Variants in RBMS3 observed in about 807,000 individuals in gnomAD.
The protein encoded by RBMS3 is RNA-binding motif, single-stranded-interacting protein 3.
RBMS3 carries 27 observed loss-of-function variants against 66.8 expected under a neutral mutation model. That is an observed-to-expected ratio of 0.40 (90% CI 0.30 to 0.56). RBMS3 has a LOEUF of 0.56. Among genes scored for constraint, RBMS3 ranks in the 20% least tolerant of loss-of-function variants. The pLI, the probability that RBMS3 is intolerant of heterozygous loss-of-function variation, is 0.40. For missense variants in RBMS3, 513 were observed against 549.5 expected, an observed-to-expected ratio of 0.93 and a Z score of 0.66; for synonymous variants, 188 against 183.0, an observed-to-expected ratio of 1.03 and a Z score of -0.22.
chr3:29,779,677 A>T (rs2371821), intron 6 of RBMS3, among the ~76,000 whole-genome samples: 75,726 of 141,254 alleles, frequency 0.54, 21,025 homozygotes, highest in East Asian at 0.86. Context: ...TGGGATAAAA[A>T]TAATCTCAGC....
intron 3 of RBMS3, among the ~76,000 whole-genome samples, chr3:29,528,944 G>A (rs567790304): frequency 1.3e-4 from 19 of 151,534 alleles, no homozygotes; most frequent in African/African-American, 4.1e-4. Flanking sequence ...GGGTTTCACC[G>A]TGTTGGCCAG....
intron 3 of RBMS3, among the ~76,000 whole-genome samples, chr3:29,510,501 A>T (rs1476399332): frequency 6.6e-6 from 1 of 152,200 alleles, no homozygotes; most frequent in East Asian, 1.9e-4. Flanking sequence ...CAAATAATGT[A>T]CCATATGATA....
Position 29,435,920 on chromosome 3 carries a change from G to A in RBMS3, c.248+1005G>A, listed in dbSNP as rs951348496. On this transcript the variant is annotated intron_variant, in intron 2 of 14. Transcript: ENST00000383767. ...AACCAGGAGGCGGAGTTTGCAGTGA[G>A]CCGAGATCACGCCACTGCACTCCAG... 2.0e-5 allele frequency among the ~76,000 whole-genome samples: 3 copies of A among 150,910 alleles called. No homozygotes were observed. In the East Asian group the frequency reaches 5.9e-4, roughly 30 times the overall value.
chr3:29,377,150 A>C (rs1375334017), intron 1 of RBMS3, among the ~76,000 whole-genome samples: 6 of 152,114 alleles, frequency 3.9e-5, no homozygotes, highest in African/African-American at 1.2e-4. Context: ...TATTTGCTAA[A>C]GTCAGCCTCT....
At chr3:29,996,508 A>G (rs1309807771) in intron 14 of RBMS3, among the ~76,000 whole-genome samples, 3 of 150,140 alleles carry the variant, frequency 2.0e-5, no homozygotes, top group African/African-American at 4.9e-5. Flanking sequence ...AATTGACCAC[A>G]TACTTGGAAG....
At chr3:29,720,320 C>T (rs539681981) in intron 4 of RBMS3, among the ~76,000 whole-genome samples, 11 of 152,124 alleles carry the variant, frequency 7.2e-5, no homozygotes, top group African/African-American at 2.4e-4. Context: ...TTCTCATTTA[C>T]TTGGGAAGAA....
At chr3:29,454,492 A>G (rs1414344495) in intron 2 of RBMS3, among the ~76,000 whole-genome samples, 5 of 152,192 alleles carry the variant, frequency 3.3e-5, no homozygotes, top group African/African-American at 9.7e-5. Flanking sequence ...ATCTATTAAA[A>G]ATATTGGCAT....
intron 1 of RBMS3, among the ~76,000 whole-genome samples, chr3:29,424,825 T>C (rs1289654346): frequency 1.3e-5 from 2 of 152,156 alleles, no homozygotes; most frequent in Admixed American, 6.5e-5. Context: ...ATATGGAAAC[T>C]AGTCAATTAA....
Position 29,556,884 on chromosome 3 carries a change from T to A in RBMS3, c.308-30230T>A, listed in dbSNP as rs1479152212. On this transcript the variant is annotated intron_variant, in intron 3 of 14. Transcript: ENST00000383767. ...TGGCTCATAATGACTGTCTATTGCC[T>A]GAATATGAAAGCTCAGCTACCTTGC... 2.6e-5 allele frequency among the ~76,000 whole-genome samples: 4 copies of A among 152,124 alleles called. No homozygotes were observed. The East Asian group carries it at 7.8e-4, about 30-fold the overall frequency.
At chr3:29,317,294 T>C (rs1214547361) in intron 1 of RBMS3, among the ~76,000 whole-genome samples, 1 of 151,758 alleles carries the variant, frequency 6.6e-6, no homozygotes, top group Non-Finnish European at 1.5e-5. Context: ...GGTGAAAGAA[T>C]TTTTTTATCC....
intron 4 of RBMS3, among the ~76,000 whole-genome samples, chr3:29,699,907 G>A (rs2052473150): frequency 1.3e-5 from 2 of 152,128 alleles, no homozygotes; most frequent in African/African-American, 4.8e-5. Context: ...CTTATCCTTG[G>A]ATGAAACCTC....
rs77714952 is a variant in RBMS3, at chr3:29,574,988, G to A, written c.308-12126G>A. 4.5e-3 allele frequency among the ~76,000 whole-genome samples: 682 copies of A among 152,022 alleles called. 1 individual carries two copies. The highest frequency in any genetic ancestry group is 0.017 in the Middle Eastern group (5 of 292). On this transcript the variant is annotated intron_variant, in intron 3 of 14. Transcript: ENST00000383767. Reference sequence around the variant, plus strand: ...GCAATTGTAGTTATTGTTTTTGATTGGTTCATCATTTAGTCTTTCCACTTA... The same window carrying A: ...GCAATTGTAGTTATTGTTTTTGATTAGTTCATCATTTAGTCTTTCCACTTA...
intron 4 of RBMS3, among the ~76,000 whole-genome samples, chr3:29,645,073 T>C (rs79897804): frequency 0.02 from 3,107 of 152,286 alleles, 40 homozygotes; most frequent in Middle Eastern, 0.034. Context: ...TAGGGTATCA[T>C]TGTCACAAAT....
intron 4 of RBMS3, among the ~76,000 whole-genome samples, chr3:29,648,370 C>T (rs1372409303): frequency 2.7e-5 from 4 of 148,444 alleles, no homozygotes; most frequent in Non-Finnish European, 5.9e-5. Context: ...GTCCCAGGCT[C>T]AAGTTATCCT....
chr3:29,387,549 G>T (rs1559539118), intron 1 of RBMS3, among the ~76,000 whole-genome samples: 1 of 152,038 alleles, frequency 6.6e-6, no homozygotes, highest in Non-Finnish European at 1.5e-5. Flanking sequence ...AGCTAAACCT[G>T]CTTATATCCC....
chr3:29,649,191 G>A (rs2050054019), intron 4 of RBMS3, among the ~76,000 whole-genome samples: 1 of 151,578 alleles, frequency 6.6e-6, no homozygotes, highest in Admixed American at 6.6e-5. Flanking sequence ...AATTTATTTA[G>A]TTTTTGAATA....
chr3:29,549,401 T>C (rs1396966701), intron 3 of RBMS3, among the ~76,000 whole-genome samples: 1 of 151,024 alleles, frequency 6.6e-6, no homozygotes, highest in African/African-American at 2.4e-5. Flanking sequence ...GGATTGATTT[T>C]TTTTTTTTTT....
intron 1 of RBMS3, among the ~76,000 whole-genome samples, chr3:29,414,945 C>T (rs1395182620): frequency 1.3e-5 from 2 of 152,098 alleles, no homozygotes; most frequent in African/African-American, 2.4e-5. Flanking sequence ...CCATGAGATT[C>T]ACCGGCACAT....
intron 12 of RBMS3, among the ~76,000 whole-genome samples, chr3:29,966,924 G>A (rs1696888574): frequency 6.6e-6 from 1 of 152,162 alleles, no homozygotes; most frequent in Admixed American, 6.5e-5. Flanking sequence ...TTTGTCAAAT[G>A]CTTTTTCTGC....
Sources: allele counts gnomAD v4.1 joint callset (sites outside exome capture counted in the v4.1 genomes callset), GRCh38; gene constraint gnomAD v4.1.1; transcripts MANE v1.5; gene names NCBI Gene and HGNC (gene_info 2026-07-23, HGNC 2026-07-21).